Variants in SGCZ observed in about 807,000 individuals in gnomAD.
The protein encoded by SGCZ is zeta-sarcoglycan.
Under a neutral mutation model 41.3 loss-of-function variants are expected in SGCZ, and 40 were observed. The ratio of observed to expected loss-of-function variants is 0.97; its 90% confidence interval spans 0.75 to 1.26. The LOEUF is 1.26. SGCZ is among the 50% of genes most tolerant of loss of function. The pLI is 0.00. For missense variants in SGCZ, 552 were observed against 369.8 expected, an observed-to-expected ratio of 1.49 and a Z score of -4.04; for synonymous variants, 206 against 137.5, an observed-to-expected ratio of 1.50 and a Z score of -3.49.
intron 5 of SGCZ, among the ~76,000 whole-genome samples, chr8:14,118,391 C>G (rs1351533510): frequency 1.3e-5 from 2 of 152,106 alleles, no homozygotes; most frequent in African/African-American, 4.8e-5. Context: ...CTGTTCATAT[C>G]CTTCACCCAC....
chr8:14,609,028 C>A (rs1217210383), intron 1 of SGCZ, among the ~76,000 whole-genome samples: 1 of 152,074 alleles, frequency 6.6e-6, no homozygotes, highest in African/African-American at 2.4e-5. Flanking sequence ...CTTCACTGCT[C>A]TTTCATGTGT....
intron 1 of SGCZ, among the ~76,000 whole-genome samples, chr8:14,933,434 T>C (rs886928870): frequency 4.9e-5 from 7 of 144,076 alleles, no homozygotes; most frequent in African/African-American, 1.8e-4. Context: ...TTTTTTTCTT[T>C]TTTTTTTTTT....
chr8:14,546,942 T>C (rs558159451), intron 2 of SGCZ, among the ~76,000 whole-genome samples: 1 of 152,206 alleles, frequency 6.6e-6, no homozygotes, highest in East Asian at 1.9e-4. Flanking sequence ...CCTTTTCATC[T>C]GCCAGAGGGG....
At chr8:14,984,386 G>A (rs1013783919) in intron 1 of SGCZ, among the ~76,000 whole-genome samples, 2 of 152,134 alleles carry the variant, frequency 1.3e-5, no homozygotes, top group African/African-American at 4.8e-5. Flanking sequence ...ATTGTCTTAT[G>A]ATATTTTAAA....
In SGCZ at chr8:14,909,267, G is replaced by C. The variant is rs76675721; in HGVS notation, c.39+328318C>G. Among the ~76,000 whole-genome samples, 415 of 152,280 alleles carry C rather than the reference G, an allele frequency of 2.7e-3. 1 individual carries two copies. The highest frequency in any genetic ancestry group is 8.9e-3 in the African/African-American group (369 of 41,572). ...AAATTATGACTTGTTAGATTGTGAA[G>C]CTATCGAAAAATCCTCTAAATCCAG... On this transcript the variant is annotated intron_variant, in intron 1 of 7. Coordinates refer to ENST00000382080, the MANE Select transcript of SGCZ (RefSeq NM_139167.4).
intron 1 of SGCZ, among the ~76,000 whole-genome samples, chr8:15,191,581 T>C (rs1323265789): frequency 6.6e-6 from 1 of 152,014 alleles, no homozygotes; most frequent in East Asian, 1.9e-4. Context: ...TCATTGTTTT[T>C]GAAAATATTT....
chr8:14,182,212 A>G (rs142931680), intron 4 of SGCZ, among the ~76,000 whole-genome samples: 11 of 152,228 alleles, frequency 7.2e-5, no homozygotes, highest in Admixed American at 7.2e-4. Context: ...TTGTAGTGCT[A>G]CAGATTCCAC....
intron 1 of SGCZ, among the ~76,000 whole-genome samples, chr8:15,108,863 G>A (rs1806936189): frequency 6.6e-6 from 1 of 152,156 alleles, no homozygotes; most frequent in Non-Finnish European, 1.5e-5. Flanking sequence ...CAAAAAATAG[G>A]CCAACTGGCT....
intron 1 of SGCZ, among the ~76,000 whole-genome samples, chr8:14,997,246 A>G (rs1439269301): frequency 1.3e-5 from 2 of 152,230 alleles, no homozygotes; most frequent in Admixed American, 6.5e-5. Context: ...TTCCTTTAAA[A>G]TTATTAGGAT....
At chr8:15,118,951 C>T (rs927929914) in intron 1 of SGCZ, among the ~76,000 whole-genome samples, 1 of 152,158 alleles carries the variant, frequency 6.6e-6, no homozygotes, top group Non-Finnish European at 1.5e-5. Context: ...AGATCTTACT[C>T]TCGACATAGG....
chr8:14,186,642 T>C (rs562000763), intron 4 of SGCZ, among the ~76,000 whole-genome samples: 1 of 152,276 alleles, frequency 6.6e-6, no homozygotes, highest in East Asian at 1.9e-4. Context: ...GATACACAGC[T>C]ATAGTGCAGA....
intron 1 of SGCZ, among the ~76,000 whole-genome samples, chr8:14,934,298 G>C (rs1016077473): frequency 2.6e-5 from 4 of 151,862 alleles, no homozygotes; most frequent in Non-Finnish European, 5.9e-5. Flanking sequence ...TGGGACTACT[G>C]TATATAAAAT....
chr8:14,579,667 C>G (rs545856586), intron 1 of SGCZ, among the ~76,000 whole-genome samples: 8 of 152,310 alleles, frequency 5.3e-5, no homozygotes, highest in Middle Eastern at 3.4e-3. Flanking sequence ...AATTTCCCTA[C>G]TATTCTCTGC....
chr8:14,100,539 A>G lies in SGCZ; in HGVS notation c.744+1837T>C, dbSNP rs1585133153. 4.4e-5 allele frequency among the ~76,000 whole-genome samples: 5 copies of G among 114,856 alleles called. No individual in the cohort carries two copies. The South Asian group carries it at 1.8e-3, about 41-fold the overall frequency. 75.3% of individuals were successfully genotyped at this position (114,856 alleles called of 152,430 possible). A position where few individuals can be genotyped will look rare whatever the true frequency, so the allele number is the denominator to read the frequency against. ...TATTATATTAATATATTTTCAAAAT[A>G]TTATACATTAGATTAATATATTATA... On this transcript the variant is annotated intron_variant, in intron 7 of 7. Coordinates refer to ENST00000382080, the MANE Select transcript of SGCZ (RefSeq NM_139167.4).
At chr8:14,419,834 A>G (rs142146955) in intron 2 of SGCZ, among the ~76,000 whole-genome samples, 4 of 152,146 alleles carry the variant, frequency 2.6e-5, no homozygotes, top group African/African-American at 4.8e-5. Context: ...CATACGGAAT[A>G]CTGAATTTGC....
At chr8:15,227,399 A>T (rs757581102) in intron 1 of SGCZ, among the ~76,000 whole-genome samples, 11 of 152,318 alleles carry the variant, frequency 7.2e-5, no homozygotes, top group Admixed American at 1.3e-4. Flanking sequence ...CTAATAATTC[A>T]ATCATGCACA....
chr8:15,155,685 T>C (rs1045650775), intron 1 of SGCZ, among the ~76,000 whole-genome samples: 1 of 152,308 alleles, frequency 6.6e-6, no homozygotes, highest in Admixed American at 6.5e-5. Flanking sequence ...TTATGATACA[T>C]GATATAATTG....
At chr8:14,553,668 G>A (rs2117188307) in intron 2 of SGCZ, among the ~76,000 whole-genome samples, 1 of 152,120 alleles carries the variant, frequency 6.6e-6, no homozygotes, top group East Asian at 1.9e-4. Context: ...ATGGACGGCA[G>A]CTAGGGTCAT....
chr8:14,831,530 T>C (rs537225947), intron 1 of SGCZ, among the ~76,000 whole-genome samples: 4 of 152,180 alleles, frequency 2.6e-5, no homozygotes, highest in African/African-American at 9.6e-5. Flanking sequence ...CTTATTCTAC[T>C]AGACACACAA....
Sources: allele counts gnomAD v4.1 joint callset (sites outside exome capture counted in the v4.1 genomes callset), GRCh38; gene constraint gnomAD v4.1.1; transcripts MANE v1.5; gene names NCBI Gene and HGNC (gene_info 2026-07-23, HGNC 2026-07-21).